The following CDH9 variants were observed in gnomAD, a reference collection of about 807,000 sequenced individuals.
CDH9 encodes cadherin 9.
A neutral mutation model predicts 70.9 loss-of-function variants in CDH9; 28 were observed. That is an observed-to-expected ratio of 0.40 (90% CI 0.29 to 0.54). The LOEUF (loss-of-function observed/expected upper bound fraction) is 0.54, where lower values mean the gene tolerates loss of function less well. Ranked by LOEUF, CDH9 falls within the 20% of genes least tolerant of loss-of-function variation. The pLI, the probability that CDH9 is intolerant of heterozygous loss-of-function variation, is 0.59. For synonymous variants in CDH9, 409 were observed against 343.1 expected, an observed-to-expected ratio of 1.19 and a Z score of -2.12; for missense variants, 874 against 984.4, an observed-to-expected ratio of 0.89 and a Z score of 1.50.
chr5:27,031,206 T>A (rs1387157581), intron 1 of CDH9, among the ~76,000 whole-genome samples: 2 of 151,840 alleles, frequency 1.3e-5, no homozygotes, highest in African/African-American at 4.8e-5. Flanking sequence ...TTCATACCAC[T>A]GAAGGTTTAT....
chr5:27,011,690 A>C (rs1303523950), intron 1 of CDH9, among the ~76,000 whole-genome samples: 1 of 152,066 alleles, frequency 6.6e-6, no homozygotes, highest in Non-Finnish European at 1.5e-5. Flanking sequence ...ATCACAGATA[A>C]AGGTAAGAGA....
chr5:27,012,004 A>G (rs1742967455), intron 1 of CDH9, among the ~76,000 whole-genome samples: 2 of 152,004 alleles, frequency 1.3e-5, no homozygotes, highest in South Asian at 4.1e-4. Context: ...TCTTTTCTAC[A>G]CTATGATTCC....
chr5:27,001,024 C>G (rs1030618669), intron 1 of CDH9, among the ~76,000 whole-genome samples: 1 of 152,008 alleles, frequency 6.6e-6, no homozygotes, highest in East Asian at 1.9e-4. Flanking sequence ...TTGTATAATA[C>G]TGCAATGGTA....
chr5:26,983,474 C>T (rs1437834807), intron 2 of CDH9, among the ~76,000 whole-genome samples: 1 of 152,142 alleles, frequency 6.6e-6, no homozygotes, highest in African/African-American at 2.4e-5. Flanking sequence ...AAAGTGATTA[C>T]ACAGTATTGG....
In CDH9 at chr5:26,906,728, G is replaced by T; in HGVS notation, c.634C>A (p.Pro212Thr). The T allele has an allele frequency of 6.2e-7, 1 of 1,612,656 alleles. No homozygotes were observed. The highest frequency in any genetic ancestry group is 1.7e-4 in the Middle Eastern group (1 of 6,056). ...AGTTTAAATGTTGTACCTGATTCTGGGTCCACTGAAAAATATGGCTGTCCT... is the reference window on the plus strand; with the variant it reads ...AGTTTAAATGTTGTACCTGATTCTGTGTCCACTGAAAAATATGGCTGTCCT... Reference protein sequence around the residue: ...LQGQPYFSVDPESGIIKTALP... With the variant: ...LQGQPYFSVDTESGIIKTALP... The change falls in exon 4 of 12, where the codon CCA becomes ACA. Residue 212 changes from proline (P) to threonine (T), a missense_variant. Pro to Thr is a conservative substitution (Grantham distance 38). Coordinates refer to ENST00000231021, the MANE Select transcript of CDH9 (RefSeq NM_016279.4).
chr5:27,004,809 G>A (rs1701146517), intron 1 of CDH9, among the ~76,000 whole-genome samples: 1 of 152,090 alleles, frequency 6.6e-6, no homozygotes, highest in African/African-American at 2.4e-5. Context: ...TAACATCCAA[G>A]TGGAAATATC....
intron 1 of CDH9, among the ~76,000 whole-genome samples, chr5:27,030,145 T>C (rs1743286503): frequency 6.6e-6 from 1 of 151,964 alleles, no homozygotes; most frequent in African/African-American, 2.4e-5. Flanking sequence ...GGTCTTCTTG[T>C]TAGTAAAAGT....
chr5:26,991,576 GAACAA>G (rs1432638175), intron 1 of CDH9, among the ~76,000 whole-genome samples: 2 of 151,994 alleles, frequency 1.3e-5, no homozygotes, highest in Non-Finnish European at 2.9e-5. Context: ...TCCTTACCTG[GAACAA>G]AATTTTTAAC....
At chr5:27,014,872 CCAAAGTGTTT>C (rs1743019782) in intron 1 of CDH9, among the ~76,000 whole-genome samples, 1 of 151,716 alleles carries the variant, frequency 6.6e-6, no homozygotes. Flanking sequence ...ATCTGTGAAT[CCAAAGTGTTT>C]TAAATAAAAA....
intron 1 of CDH9, among the ~76,000 whole-genome samples, chr5:27,003,084 T>C (rs1157769165): frequency 1.3e-5 from 2 of 152,086 alleles, no homozygotes; most frequent in Non-Finnish European, 2.9e-5. Flanking sequence ...TTTTGAAATA[T>C]TTACGTTATT....
intron 7 of CDH9, among the ~76,000 whole-genome samples, chr5:26,898,873 A>G (rs186093604): frequency 7.9e-4 from 120 of 152,326 alleles, no homozygotes; most frequent in African/African-American, 2.8e-3. Flanking sequence ...CTAGCATCAG[A>G]GTGATCAGGC....
At chr5:26,949,713 A>G (rs529614779) in intron 2 of CDH9, among the ~76,000 whole-genome samples, 2 of 152,204 alleles carry the variant, frequency 1.3e-5, no homozygotes, top group Non-Finnish European at 2.9e-5. Context: ...CTGAAATAAC[A>G]TTCCTAGAAG....
At chr5:26,989,510 C>CTG (rs1742545456) in intron 1 of CDH9, among the ~76,000 whole-genome samples, 1 of 144,588 alleles carries the variant, frequency 6.9e-6, no homozygotes. Context: ...TCTTCTCTGT[C>CTG]TCTCTCTCTC....
intron 1 of CDH9, among the ~76,000 whole-genome samples, chr5:27,032,038 G>C (rs76836919): frequency 0.013 from 1,956 of 151,788 alleles, 60 homozygotes; most frequent in African/African-American, 0.045. Flanking sequence ...AAGGTCACAG[G>C]TCCAAAGTTG....
intron 7 of CDH9, among the ~76,000 whole-genome samples, chr5:26,893,305 T>G (rs1166372355): frequency 6.6e-6 from 1 of 152,128 alleles, no homozygotes; most frequent in African/African-American, 2.4e-5. Flanking sequence ...TATTTGGGCC[T>G]TTGGAAAAAA....
At chr5:26,907,503 G>C (rs766056140) in intron 3 of CDH9, among the ~76,000 whole-genome samples, 1 of 151,972 alleles carries the variant, frequency 6.6e-6, no homozygotes, top group Non-Finnish European at 1.5e-5. Flanking sequence ...TTCTCCAAAA[G>C]AAGATCTAAA....
At chr5:26,912,435 T>C (rs543424433) in intron 3 of CDH9, among the ~76,000 whole-genome samples, 1 of 151,512 alleles carries the variant, frequency 6.6e-6, no homozygotes, top group Non-Finnish European at 1.5e-5. Flanking sequence ...GTTTATGAGG[T>C]AAAATATATC....
At chr5:26,965,681 C>T (rs969392298) in intron 2 of CDH9, among the ~76,000 whole-genome samples, 2 of 151,676 alleles carry the variant, frequency 1.3e-5, no homozygotes, top group South Asian at 4.1e-4. Context: ...CTAGAAACTA[C>T]ATTAATTATT....
rs143005654 is a variant in CDH9 at position 26,947,649 on chromosome 5, G to A, written c.229-31725C>T. ...CTCTGCTATGGGTAATGACAAATAA[G>A]CATTGAAATAAGGAAAGAGCAGCAC... On this transcript the variant is annotated intron_variant, in intron 2 of 11. Coordinates refer to ENST00000231021, the MANE Select transcript of CDH9 (RefSeq NM_016279.4). Among the ~76,000 whole-genome samples the A allele has an allele frequency of 1.9e-4, 29 of 152,234 alleles. No homozygotes were observed. In the East Asian group the frequency reaches 5.4e-3, roughly 28 times the overall value.
Sources: gnomAD v4.1 joint callset for allele counts (sites outside exome capture counted in the v4.1 genomes callset) on GRCh38, gnomAD v4.1.1 for gene constraint, MANE v1.5 for transcripts, NCBI Gene and HGNC (gene_info 2026-07-23, HGNC 2026-07-21) for gene names.